Variants in MYO18B observed in about 807,000 individuals in gnomAD.
MYO18B encodes the protein myosin XVIIIB.
Under a neutral mutation model 273.0 loss-of-function variants are expected in MYO18B, and 204 were observed. The ratio of observed to expected loss-of-function variants is 0.75; its 90% CI spans 0.67 to 0.84. The LOEUF is 0.84. Among genes scored for constraint, MYO18B ranks in the 40% least tolerant of loss-of-function variants. MYO18B has a pLI of 0.00. For missense variants in MYO18B, 3,212 were observed against 3,287.6 expected (o/e 0.98, Z 0.56); for synonymous variants, 1,330 against 1,305.7 (o/e 1.02, Z -0.40).
At chr22:25,894,095 AG>A (rs1364461018) in intron 27 of MYO18B, among the ~76,000 whole-genome samples, 2 of 152,248 alleles carry the variant, frequency 1.3e-5, no homozygotes, top group African/African-American at 4.8e-5. Context: ...AGCATATTCT[AG>A]GAACACAATG....
chr22:25,946,196 G>C lies in MYO18B; in HGVS notation c.5577G>C (p.Ala1859=). 6.3e-7 allele frequency: 1 copy of C among 1,584,382 alleles called. No individual in the cohort carries two copies. Among genetic ancestry groups the C allele is most frequent in the South Asian group, 1.2e-5 (1 of 85,960 alleles). ...TGAAGACGCAGAAGGTGCTCACAGC[G>C]GACCTGGAGAGCATGCACAGCGAGC... The part of the protein sequence containing the change: ...EALKTQKVLT[A]DLESMHSELE... The change falls in exon 35 of 44, where the codon GCG becomes GCC. Residue 1859 remains alanine, a synonymous_variant. Transcript: ENST00000335473.
Position 26,019,755 on chromosome 22 carries a change from G to A in MYO18B, c.6471-6690G>A, listed in dbSNP as rs151273469. ...GATGAAGAACGGGGGGTGACAGCAC[G>A]CTTTGGGGGATGATTCACGGTGTCA... On this transcript the variant is annotated intron_variant, in intron 42 of 43. Coordinates refer to ENST00000335473, the MANE Select transcript of MYO18B (RefSeq NM_032608.7). Among the ~76,000 whole-genome samples, 29 of 152,196 alleles carry A rather than the reference G, an allele frequency of 1.9e-4. No individual in the cohort carries two copies. The East Asian group carries it at 3.9e-3, about 20-fold the overall frequency.
intron 42 of MYO18B, among the ~76,000 whole-genome samples, chr22:26,010,992 A>C (rs1291122622): frequency 6.6e-6 from 1 of 151,736 alleles, no homozygotes; most frequent in Non-Finnish European, 1.5e-5. Context: ...GATTCTTATG[A>C]GTGTAGATGA....
chr22:25,874,716 T>G (rs75829217), intron 23 of MYO18B, among the ~76,000 whole-genome samples: 480 of 152,308 alleles, frequency 3.2e-3, no homozygotes, highest in African/African-American at 0.011. Context: ...AGACAGGGCA[T>G]GACCAGGGCC....
chr22:25,865,490 C>T (rs539084037), intron 21 of MYO18B, among the ~76,000 whole-genome samples: 1 of 152,280 alleles, frequency 6.6e-6, no homozygotes, highest in South Asian at 2.1e-4. Context: ...AAGGTTTTGA[C>T]CAAAACAGAG....
At position 25,875,253 on chromosome 22, in the gene MYO18B, C is replaced by G. The variant is rs12627878; in HGVS notation, c.4080+839C>G. ...CAGACTGCAAGGGTTCAAGCCTGCT[C>G]TGGCACTGAGAAGCTGGGTGACACT... On this transcript the variant is annotated intron_variant, in intron 23 of 43. Coordinates refer to ENST00000335473, the MANE Select transcript of MYO18B (RefSeq NM_032608.7). Among the ~76,000 whole-genome samples the G allele has an allele frequency of 2.1e-4, 32 of 152,362 alleles. 1 individual carries two copies. The East Asian group carries it at 6.0e-3, about 28-fold the overall frequency.
chr22:25,765,029 G>T (rs918468999), intron 3 of MYO18B, among the ~76,000 whole-genome samples: 1 of 152,168 alleles, frequency 6.6e-6, no homozygotes, highest in African/African-American at 2.4e-5. Context: ...GTGCCACAGA[G>T]ACCTGGGGGA....
the MYO18B span, among the ~76,000 whole-genome samples, chr22:26,044,950 A>G: frequency 5.9e-5 from 9 of 152,130 alleles, no homozygotes; most frequent in East Asian, 3.8e-4. Flanking sequence ...GCAAATTGTA[A>G]TCATGGCCCC....
At chr22:25,963,620 G>A (rs1192722146) in intron 39 of MYO18B, among the ~76,000 whole-genome samples, 1 of 150,186 alleles carries the variant, frequency 6.7e-6, no homozygotes, top group Admixed American at 6.7e-5. Flanking sequence ...GAGTTTTTAG[G>A]TGGATATGGA....
intron 11 of MYO18B, 54 bp downstream of exon 11, chr22:25,785,545 G>T: frequency 6.4e-7 from 1 of 1,567,166 alleles, no homozygotes; most frequent in South Asian, 1.2e-5. Context: ...GGGGCTAGAT[G>T]GGAGGGTGAT....
chr22:25,887,296 G>A (rs2091528868), intron 25 of MYO18B, among the ~76,000 whole-genome samples: 1 of 152,128 alleles, frequency 6.6e-6, no homozygotes, highest in South Asian at 2.1e-4. Context: ...CGGTCCCAAG[G>A]ACCCCAGGTG....
chr22:25,882,371 A>G lies in MYO18B; in HGVS notation c.4314+4323A>G, dbSNP rs1045049498. On this transcript the variant is annotated intron_variant, in intron 25 of 43. Transcript: ENST00000335473. ...GCATGTAGATTGAAAAAAAAAAAAG[A>G]AACACCTGTTACATGAGATAAGAGT... 4.6e-4 allele frequency among the ~76,000 whole-genome samples: 68 copies of G among 148,740 alleles called. 1 individual carries two copies. The highest frequency in any genetic ancestry group is 6.9e-4 in the Non-Finnish European group (46 of 66,972).
At chr22:25,976,563 C>T (rs2093091998) in intron 39 of MYO18B, among the ~76,000 whole-genome samples, 1 of 152,172 alleles carries the variant, frequency 6.6e-6, no homozygotes, top group Non-Finnish European at 1.5e-5. Flanking sequence ...CATGCCTGGC[C>T]ACATGCTGTT....
chr22:25,783,668 C>T (rs1419707067), intron 10 of MYO18B, among the ~76,000 whole-genome samples: 2 of 152,226 alleles, frequency 1.3e-5, no homozygotes, highest in African/African-American at 4.8e-5. Context: ...TCAACTGTGG[C>T]TAGCAGAGGA....
chr22:25,874,176 C>G, intron 22 of MYO18B, 110 bp from the exon 23 acceptor site: 1 of 1,361,820 alleles, frequency 7.3e-7, no homozygotes, highest in Non-Finnish European at 1.0e-6. Context: ...CAACTGCCAA[C>G]AAATATTGCA....
At chr22:25,764,554 C>T (rs2086437961) in intron 3 of MYO18B, among the ~76,000 whole-genome samples, 1 of 152,322 alleles carries the variant, frequency 6.6e-6, no homozygotes, top group South Asian at 2.1e-4. Context: ...GCTAGTCCCA[C>T]ATGTGCCTGC....
In MYO18B at chr22:25,878,622, A is replaced by T. The variant is rs117664342; in HGVS notation, c.4314+574A>T. On this transcript the variant is annotated intron_variant, in intron 25 of 43. Transcript: ENST00000335473. ...TGTTCAAAAATTCAAATGGCCAATAAACTCATGAAAAGACACTCAACCTAA... is the reference window on the plus strand; with the variant it reads ...TGTTCAAAAATTCAAATGGCCAATATACTCATGAAAAGACACTCAACCTAA... 5.4e-3 allele frequency among the ~76,000 whole-genome samples: 819 copies of T among 152,348 alleles called. 40 individuals are homozygous for T. In the South Asian group the frequency reaches 0.098, roughly 18 times the overall value.
intron 34 of MYO18B, 140 bp downstream of exon 34, chr22:25,921,549 T>G: frequency 9.2e-7 from 1 of 1,085,208 alleles, no homozygotes; most frequent in Non-Finnish European, 1.3e-6. Context: ...ATGGGGGGCA[T>G]TTCAGGGCTG....
At chr22:26,062,464 G>T in the MYO18B span, among the ~76,000 whole-genome samples, 1 of 152,142 alleles carries the variant, frequency 6.6e-6, no homozygotes, top group African/African-American at 2.4e-5. Context: ...CAAGCCAAGA[G>T]CCATAACAGA....
Sources: gnomAD v4.1 joint callset for allele counts (sites outside exome capture counted in the v4.1 genomes callset) on GRCh38, gnomAD v4.1.1 for gene constraint, MANE v1.5 for transcripts, NCBI Gene and HGNC (gene_info 2026-07-23, HGNC 2026-07-21) for gene names.